CAPG: variants seen among roughly 807,000 people sequenced by gnomAD.
CAPG encodes capping actin protein, gelsolin like.
A neutral mutation model predicts 44.6 loss-of-function variants in CAPG; 32 were observed. The ratio of observed to expected loss-of-function variants is 0.72; its 90% CI spans 0.54 to 0.96. CAPG has a LOEUF of 0.96. CAPG is among the 50% of genes least tolerant of loss of function. CAPG has a pLI of 0.00. For synonymous variants in CAPG, 175 were observed against 179.6 expected (o/e 0.97, Z 0.20); for missense variants, 412 against 438.3 (o/e 0.94, Z 0.54).
At chr2:85,399,833 C>T (rs181585051) in intron 5 of CAPG, among the ~76,000 whole-genome samples, 1 of 151,632 alleles carries the variant, frequency 6.6e-6, no homozygotes, top group East Asian at 1.9e-4. Context: ...CCTCCACCTC[C>T]TGGGTTCAAG....
chr2:85,406,088 G>A (rs1467340574), intron 1 of CAPG, among the ~76,000 whole-genome samples: 1 of 152,020 alleles, frequency 6.6e-6, no homozygotes, highest in African/African-American at 2.4e-5. Flanking sequence ...GTTCACTTGA[G>A]GTCAGGAGTT....
downstream of CAPG, among the ~76,000 whole-genome samples, chr2:85,394,128 A>C (rs1686482408): frequency 6.6e-6 from 1 of 152,228 alleles, no homozygotes; most frequent in South Asian, 2.1e-4. Context: ...TGGCTACTGC[A>C]TTCTCCCTGC....
In CAPG at chr2:85,401,591, C is replaced by T. The variant is rs764009099; in HGVS notation, c.289G>A (p.Glu97Lys). 1.2e-6 allele frequency: 2 copies of T among 1,614,196 alleles called. No homozygotes were observed. The highest frequency in any genetic ancestry group is 1.7e-6 in the Non-Finnish European group (2 of 1,180,036). ...AGGTCAGACTCATTGCCCTGCACCT[C>T]GCGGTGCTGCACAGGCCGCTCTCCC... ...LLGERPVQHR[E>K]VQGNESDLFM... The change falls in exon 4 of 10, where the codon GAG (glutamate) becomes AAG (lysine). Residue 97 changes from glutamate (E) to lysine (K), a missense_variant. Transcript: ENST00000263867.
intron 8 of CAPG, among the ~76,000 whole-genome samples, chr2:85,396,200 T>C (rs1686588237): frequency 6.6e-6 from 1 of 152,150 alleles, no homozygotes; most frequent in South Asian, 2.1e-4. Flanking sequence ...TTTTTATTTT[T>C]TCTGAGACGC....
chr2:85,410,276 C>T (rs958487170), intron 1 of CAPG, 41 bp downstream of exon 1: 1 of 152,736 alleles, frequency 6.5e-6, no homozygotes, highest in African/African-American at 2.4e-5. Flanking sequence ...ACCCTGCCAC[C>T]TTCACCTTTC....
At chr2:85,410,420 C>G (rs898015048), upstream of CAPG, 1 of 152,350 alleles carries the variant, frequency 6.6e-6, no homozygotes, top group South Asian at 2.1e-4. Context: ...CCACCAGCCC[C>G]ACCCCTGGGC....
At chr2:85,398,311 C>A (rs1686705025) in intron 7 of CAPG, 159 bp from the exon 8 acceptor site, 8 of 836,626 alleles carry the variant, frequency 9.6e-6, no homozygotes, top group Non-Finnish European at 1.5e-5. Flanking sequence ...ACCTGAAAAG[C>A]AAATTCCAGG....
downstream of CAPG, among the ~76,000 whole-genome samples, chr2:85,394,057 C>A (rs1573169330): frequency 6.6e-6 from 1 of 152,372 alleles, no homozygotes. Context: ...CAAGCTGACA[C>A]AGGCTCACTC....
chr2:85,394,187 G>A (rs142246466), downstream of CAPG, among the ~76,000 whole-genome samples: 24 of 152,370 alleles, frequency 1.6e-4, no homozygotes, highest in Non-Finnish European at 3.2e-4. Context: ...CATTACCCAA[G>A]AGAATGAACT....
chr2:85,419,519 G>A (rs1430514324), upstream of CAPG, among the ~76,000 whole-genome samples: 1 of 152,176 alleles, frequency 6.6e-6, no homozygotes, highest in Non-Finnish European at 1.5e-5. Context: ...TCTTTCCAGA[G>A]GCCTCTTCTC....
At chr2:85,398,866 G>C (rs1279236091) in intron 6 of CAPG, 84 bp from the exon 7 acceptor site, 2 of 1,142,796 alleles carry the variant, frequency 1.8e-6, no homozygotes, top group Non-Finnish European at 2.5e-6. Context: ...CACTGCTTCT[G>C]GTGGGGCAAA....
At chr2:85,415,140 G>T (rs1687523046), upstream of CAPG, among the ~76,000 whole-genome samples, 1 of 152,192 alleles carries the variant, frequency 6.6e-6, no homozygotes, top group Non-Finnish European at 1.5e-5. Flanking sequence ...CCTACTATCT[G>T]CCTTCCTTTG....
At chr2:85,413,646 G>C (rs1457904428), upstream of CAPG, among the ~76,000 whole-genome samples, 2 of 152,074 alleles carry the variant, frequency 1.3e-5, no homozygotes, top group Non-Finnish European at 2.9e-5. Context: ...TCTCGGGAGC[G>C]GCTAGGAACT....
downstream of CAPG, among the ~76,000 whole-genome samples, chr2:85,392,557 AG>A (rs2104770109): frequency 6.6e-6 from 1 of 152,254 alleles, no homozygotes; most frequent in South Asian, 2.1e-4. Context: ...GACCCACTGC[AG>A]GGGGAAACAT....
chr2:85,408,198 C>G (rs1687255714), intron 1 of CAPG, among the ~76,000 whole-genome samples: 1 of 152,074 alleles, frequency 6.6e-6, no homozygotes, highest in African/African-American at 2.4e-5. Flanking sequence ...CAAAATTAGC[C>G]AGGCATGGTG....
intron 1 of CAPG, among the ~76,000 whole-genome samples, chr2:85,403,033 A>C (rs1686978161): frequency 6.6e-6 from 1 of 152,148 alleles, no homozygotes. Context: ...AGCCTCCCAA[A>C]GTGTTGGTAT....
intron 1 of CAPG, among the ~76,000 whole-genome samples, chr2:85,416,195 C>A (rs1308896071): frequency 6.6e-6 from 1 of 152,206 alleles, no homozygotes; most frequent in Admixed American, 6.5e-5. Flanking sequence ...ATGTCCAGGA[C>A]AATCAGCTTT....
At chr2:85,397,432 G>A (rs142150176) in intron 8 of CAPG, among the ~76,000 whole-genome samples, 165 of 152,304 alleles carry the variant, frequency 1.1e-3, no homozygotes, top group African/African-American at 3.8e-3. Context: ...AGAAAATGGC[G>A]AGGCAGTGGC....
At chr2:85,414,179 A>G (rs1687499008), upstream of CAPG, 1 of 152,282 alleles carries the variant, frequency 6.6e-6, no homozygotes, top group African/African-American at 2.4e-5. Context: ...GTATAGGGGA[A>G]GCTAAGGACA....
Sources: gnomAD v4.1 joint callset for allele counts (sites outside exome capture counted in the v4.1 genomes callset) on GRCh38, gnomAD v4.1.1 for gene constraint, MANE v1.5 for transcripts, NCBI Gene and HGNC (gene_info 2026-07-23, HGNC 2026-07-21) for gene names.